Variants in SNRPN observed in about 807,000 individuals in gnomAD.
SNRPN encodes small nuclear ribonucleoprotein-associated protein N.
A neutral mutation model predicts 25.2 loss-of-function variants in SNRPN; 7 were observed. That is an observed-to-expected ratio of 0.28 (90% CI 0.16 to 0.52). SNRPN has a LOEUF of 0.52. Ranked by LOEUF, SNRPN falls within the 20% of genes least tolerant of loss-of-function variation. The pLI, the probability that SNRPN is intolerant of heterozygous loss-of-function variation, is 0.96. For synonymous variants in SNRPN, 124 were observed against 110.6 expected (o/e 1.12, Z -0.76); for missense variants, 196 against 322.5 (o/e 0.61, Z 3.00).
intron 1 of SNRPN, among the ~76,000 whole-genome samples, chr15:24,874,719 A>G (rs1324763576): frequency 1.1e-5 from 1 of 89,410 alleles, no homozygotes; most frequent in East Asian, 1.6e-3. Context: ...AGATGCTGTC[A>G]GTAGGTTGAA....
intron 1 of SNRPN, among the ~76,000 whole-genome samples, chr15:24,870,041 G>T (rs2054940508): frequency 6.6e-6 from 1 of 152,098 alleles, no homozygotes; most frequent in Admixed American, 6.6e-5. Context: ...CCATTGGAAG[G>T]TCTCTCAGTT....
chr15:24,840,459 G>T (rs1298744103), intron 2 of SNRPN, among the ~76,000 whole-genome samples: 1 of 152,238 alleles, frequency 6.6e-6, no homozygotes, highest in Non-Finnish European at 1.5e-5. Flanking sequence ...TCAGTTTTCT[G>T]TTGCCAGAGA....
At chr15:24,950,918 G>A (rs2062216146), upstream of SNRPN, among the ~76,000 whole-genome samples, 1 of 151,494 alleles carries the variant, frequency 6.6e-6, no homozygotes, top group Non-Finnish European at 1.5e-5. Context: ...CTGGAGTGCA[G>A]TGGTGCAATC....
chr15:24,955,906 C>T (rs1199552638), intron 1 of SNRPN, among the ~76,000 whole-genome samples: 3 of 151,622 alleles, frequency 2.0e-5, no homozygotes, highest in African/African-American at 4.9e-5. Context: ...GACTAAGGGA[C>T]GCTGAATGAT....
Position 24,873,240 on chromosome 15 carries a change from G to C in SNRPN, c.-578-13276G>C, listed in dbSNP as rs952595655. Among the ~76,000 whole-genome samples, 7 of 120,772 alleles carry C rather than the reference G, an allele frequency of 5.8e-5. 2 individuals are homozygous for C. Among genetic ancestry groups the C allele is most frequent in the Non-Finnish European group, 1.3e-4 (7 of 55,522 alleles). 79.2% of individuals were successfully genotyped at this position (120,772 alleles called of 152,430 possible). A position where few individuals can be genotyped will look rare whatever the true frequency, so the allele number is the denominator to read the frequency against. On this transcript the variant is annotated intron_variant, in intron 1 of 11. Coordinates refer to the SNRPN transcript ENST00000400097. ...GCTGGACAGCAAGAGGGTGTGTTCAGGAACCATACCTAGTCTACAAAGCCA... is the reference window on the plus strand; with the variant it reads ...GCTGGACAGCAAGAGGGTGTGTTCACGAACCATACCTAGTCTACAAAGCCA...
intron 1 of SNRPN, among the ~76,000 whole-genome samples, chr15:24,875,782 G>A (rs962930649): frequency 6.6e-6 from 1 of 152,038 alleles, no homozygotes; most frequent in Non-Finnish European, 1.5e-5. Context: ...GGCCGGGTGC[G>A]GTAGTTCATG....
chr15:24,844,192 A>G (rs1210055596), intron 2 of SNRPN, among the ~76,000 whole-genome samples: 2 of 151,930 alleles, frequency 1.3e-5, no homozygotes, highest in African/African-American at 4.8e-5. Context: ...ATATATGTAT[A>G]TATATCGACT....
chr15:24,878,365 CG>C (rs1407892332), intron 1 of SNRPN, among the ~76,000 whole-genome samples: 3 of 151,664 alleles, frequency 2.0e-5, no homozygotes, highest in African/African-American at 7.2e-5. Context: ...CAGTGCGCTA[CG>C]GGAAGGTCAC....
chr15:24,848,258 G>GGGCGGCTGCGGGGGCGGGGGCGGC (rs71312669), intron 2 of SNRPN: 1 of 124,148 alleles, frequency 8.1e-6, no homozygotes, highest in Non-Finnish European at 1.8e-5. Context: ...GCGGGGGCGG[G>GGGCGGCTGCGGGGGCGGGGGCGGC]GGCGGGGGCG....
At chr15:24,837,420 T>A (rs528874339) in intron 2 of SNRPN, among the ~76,000 whole-genome samples, 61 of 150,750 alleles carry the variant, frequency 4.0e-4, no homozygotes, top group African/African-American at 1.4e-3. Flanking sequence ...CAGGCTGGAG[T>A]GCAGTGGCTG....
chr15:24,956,253 A>G (rs2062850716), intron 1 of SNRPN, among the ~76,000 whole-genome samples: 3 of 151,254 alleles, frequency 2.0e-5, no homozygotes, highest in East Asian at 2.0e-4. Context: ...TTGGAAGGCT[A>G]TGTCGAAATA....
chr15:24,900,398 C>T (rs2151392560), intron 2 of SNRPN, among the ~76,000 whole-genome samples: 1 of 152,294 alleles, frequency 6.6e-6, no homozygotes, highest in East Asian at 1.9e-4. Context: ...TCTGTTTAGA[C>T]TCAGTTGAAA....
intron 2 of SNRPN, among the ~76,000 whole-genome samples, chr15:24,907,320 G>A (rs539693492): frequency 5.3e-5 from 8 of 152,222 alleles, no homozygotes; most frequent in East Asian, 1.9e-4. Flanking sequence ...TGTTGAGGCC[G>A]GGCATGGTGG....
intron 1 of SNRPN, among the ~76,000 whole-genome samples, chr15:24,825,798 G>T (rs1295058623): frequency 6.6e-6 from 1 of 152,032 alleles, no homozygotes; most frequent in East Asian, 1.9e-4. Flanking sequence ...AAGCAGAATG[G>T]TTGTATGGGT....
chr15:24,864,193 A>AT (rs1216174774), intron 1 of SNRPN, among the ~76,000 whole-genome samples: 9 of 130,304 alleles, frequency 6.9e-5, no homozygotes, highest in Non-Finnish European at 9.5e-5. Flanking sequence ...CGCCCGGCTA[A>AT]TTTTTTTTGT....
chr15:24,953,762 A>T (rs1177143021), upstream of SNRPN, among the ~76,000 whole-genome samples: 1 of 152,256 alleles, frequency 6.6e-6, no homozygotes, highest in Non-Finnish European at 1.5e-5. Context: ...TATATGATTC[A>T]GCCTAATACA....
chr15:24,964,840 G>A (rs764936357), intron 2 of SNRPN, among the ~76,000 whole-genome samples: 1 of 152,110 alleles, frequency 6.6e-6, no homozygotes, highest in African/African-American at 2.4e-5. Context: ...GTGGGATGAC[G>A]TTAGCCTTCT....
chr15:24,930,456 T>A (rs1225152841), intron 3 of SNRPN, among the ~76,000 whole-genome samples: 1 of 151,506 alleles, frequency 6.6e-6, no homozygotes, highest in East Asian at 2.0e-4. Flanking sequence ...TATACCTTAT[T>A]AGAACTCAGC....
rs117079563 is a variant in SNRPN at position 24,929,711 on chromosome 15, T to G, written c.-391+9587T>G. 9.1e-4 allele frequency among the ~76,000 whole-genome samples: 138 copies of G among 152,316 alleles called. 1 individual carries two copies. The East Asian group carries it at 0.025, about 28-fold the overall frequency. ...ATTTTCTTCCAAGTGGAGTCCAGCATATTTTATTTTCCTGTTGAATGGTAG... is the reference window on the plus strand; with the variant it reads ...ATTTTCTTCCAAGTGGAGTCCAGCAGATTTTATTTTCCTGTTGAATGGTAG... On this transcript the variant is annotated intron_variant, in intron 3 of 11. Transcript: ENST00000400097. The surrounding 1 kb of genome is among the most constrained non-coding windows in gnomAD (Gnocchi z 5.3).
Sources: allele counts gnomAD v4.1 joint callset (sites outside exome capture counted in the v4.1 genomes callset), GRCh38; gene constraint gnomAD v4.1.1; non-coding constraint Gnocchi (gnomAD v3.1); transcripts MANE v1.5; gene names NCBI Gene and HGNC (gene_info 2026-07-23, HGNC 2026-07-21).